Variants in GPC5 observed in about 807,000 individuals in gnomAD.
The protein encoded by GPC5 is glypican 5.
Under a neutral mutation model 53.9 loss-of-function variants are expected in GPC5, and 47 were observed. That is an observed-to-expected ratio of 0.87 (90% confidence interval 0.69 to 1.11). The LOEUF (loss-of-function observed/expected upper bound fraction) is 1.11, where lower values mean the gene tolerates loss of function less well. Ranked by LOEUF, GPC5 falls within the 50% of genes most tolerant of loss-of-function variation. The pLI is 0.00. For synonymous variants in GPC5, 286 were observed against 263.3 expected, an observed-to-expected ratio of 1.09 and a Z score of -0.84; for missense variants, 748 against 713.1, an observed-to-expected ratio of 1.05 and a Z score of -0.56.
chr13:91,559,114 G>A (rs764623756), intron 2 of GPC5, among the ~76,000 whole-genome samples: 1 of 152,008 alleles, frequency 6.6e-6, no homozygotes, highest in Non-Finnish European at 1.5e-5. Flanking sequence ...GGATTGGTTT[G>A]GTCATGCTCT....
intron 1 of GPC5, among the ~76,000 whole-genome samples, chr13:91,436,604 C>T (rs1452883871): frequency 6.6e-6 from 1 of 152,088 alleles, no homozygotes; most frequent in Non-Finnish European, 1.5e-5. Flanking sequence ...GCTTTACTTC[C>T]AACTATGTGG....
At chr13:91,615,225 C>T (rs1271138807) in intron 2 of GPC5, among the ~76,000 whole-genome samples, 1 of 152,104 alleles carries the variant, frequency 6.6e-6, no homozygotes, top group Admixed American at 6.5e-5. Flanking sequence ...TTTAATGAAT[C>T]CAGGCAGTTT....
At chr13:91,460,238 A>G (rs1177156028) in intron 2 of GPC5, among the ~76,000 whole-genome samples, 1 of 152,014 alleles carries the variant, frequency 6.6e-6, no homozygotes, top group African/African-American at 2.4e-5. Context: ...TATGAATCAA[A>G]TTCTTTTAAC....
chr13:92,074,660 G>A (rs2041238637), intron 6 of GPC5, among the ~76,000 whole-genome samples: 1 of 152,132 alleles, frequency 6.6e-6, no homozygotes, highest in South Asian at 2.1e-4. Flanking sequence ...AGTATCGTGA[G>A]ACAATGACCC....
At chr13:91,956,074 G>A (rs564648920) in intron 6 of GPC5, among the ~76,000 whole-genome samples, 8 of 152,094 alleles carry the variant, frequency 5.3e-5, no homozygotes, top group Admixed American at 2.6e-4. Context: ...TTCACCAGGG[G>A]CTTGAGAATC....
At chr13:91,507,345 C>T (rs1179932551) in intron 2 of GPC5, among the ~76,000 whole-genome samples, 1 of 152,056 alleles carries the variant, frequency 6.6e-6, no homozygotes, top group East Asian at 1.9e-4. Flanking sequence ...AAAGACATAC[C>T]CGAGACTGGG....
At chr13:92,376,221 T>A (rs537508069) in intron 7 of GPC5, among the ~76,000 whole-genome samples, 7 of 152,220 alleles carry the variant, frequency 4.6e-5, no homozygotes, top group Non-Finnish European at 8.8e-5. Flanking sequence ...ACTTTGATAT[T>A]TTATAATAGC....
intron 7 of GPC5, among the ~76,000 whole-genome samples, chr13:92,682,652 C>A (rs1439359363): frequency 6.6e-6 from 1 of 152,040 alleles, no homozygotes; most frequent in African/African-American, 2.4e-5. Context: ...AGTTTTATTG[C>A]AATACAATTA....
chr13:92,623,986 C>T (rs554512660), intron 7 of GPC5, among the ~76,000 whole-genome samples: 2 of 151,842 alleles, frequency 1.3e-5, no homozygotes, highest in South Asian at 2.1e-4. Flanking sequence ...TCCCAAGTAG[C>T]TGGCATTACA....
At chr13:91,551,991 A>G (rs1248675685) in intron 2 of GPC5, among the ~76,000 whole-genome samples, 3 of 152,134 alleles carry the variant, frequency 2.0e-5, no homozygotes, top group Admixed American at 2.0e-4. Flanking sequence ...CTAAAGGATC[A>G]AGACAAATAT....
At chr13:92,518,514 A>G (rs1880885951) in intron 7 of GPC5, among the ~76,000 whole-genome samples, 1 of 152,196 alleles carries the variant, frequency 6.6e-6, no homozygotes, top group Admixed American at 6.5e-5. Context: ...AGAATTTCAT[A>G]TCCAGCCAAA....
chr13:92,663,854 CACTATATATATATATATATATATATA>C (rs1566351038), intron 7 of GPC5, among the ~76,000 whole-genome samples: 1 of 75,308 alleles, frequency 1.3e-5, no homozygotes, highest in African/African-American at 5.1e-5. Flanking sequence ...TACACACACA[CACTATATATATATATATATATATATA>C]TATATATATA....
At chr13:92,370,919 C>T (rs917792528) in intron 7 of GPC5, among the ~76,000 whole-genome samples, 6 of 152,196 alleles carry the variant, frequency 3.9e-5, no homozygotes, top group Admixed American at 6.5e-5. Context: ...GAGGCTGAGG[C>T]GGGCAGATCA....
intron 5 of GPC5, among the ~76,000 whole-genome samples, chr13:91,879,095 GA>G (rs1226825027): frequency 1.3e-5 from 2 of 150,938 alleles, no homozygotes; most frequent in South Asian, 2.1e-4. Context: ...ATTAGTTTTT[GA>G]AAAAAAACTA....
intron 7 of GPC5, among the ~76,000 whole-genome samples, chr13:92,397,912 A>C (rs1054584542): frequency 2.6e-5 from 4 of 152,164 alleles, no homozygotes; most frequent in African/African-American, 9.7e-5. Flanking sequence ...TACTTGATAA[A>C]AATACAATGT....
At chr13:92,545,009 G>A (rs2139007095) in intron 7 of GPC5, among the ~76,000 whole-genome samples, 1 of 152,034 alleles carries the variant, frequency 6.6e-6, no homozygotes, top group Non-Finnish European at 1.5e-5. Flanking sequence ...AGGTTGGTGT[G>A]CTGCACCCAT....
chr13:91,536,477 A>T (rs1209669171), intron 2 of GPC5, among the ~76,000 whole-genome samples: 3 of 152,150 alleles, frequency 2.0e-5, no homozygotes, highest in Non-Finnish European at 4.4e-5. Context: ...ACCAATTTGG[A>T]AGACATTATT....
intron 7 of GPC5, among the ~76,000 whole-genome samples, chr13:92,282,995 A>G (rs908742429): frequency 5.3e-5 from 8 of 152,188 alleles, no homozygotes; most frequent in East Asian, 3.9e-4. Context: ...TATTCAGGAG[A>G]CCCATCTCAC....
At chr13:91,742,306 A>G (rs1391113834) in intron 4 of GPC5, among the ~76,000 whole-genome samples, 3 of 152,212 alleles carry the variant, frequency 2.0e-5, no homozygotes. Context: ...TGAGAATCCC[A>G]TGAATGTTCC....
Sources: allele counts gnomAD v4.1 joint callset (sites outside exome capture counted in the v4.1 genomes callset), GRCh38; gene constraint gnomAD v4.1.1; transcripts MANE v1.5; gene names NCBI Gene and HGNC (gene_info 2026-07-23, HGNC 2026-07-21).